The following TRAPPC10 variants were observed in gnomAD, a reference collection of about 807,000 sequenced individuals.
TRAPPC10 encodes the protein TRAPP 130 kDa subunit.
Under a neutral mutation model 125.5 loss-of-function variants are expected in TRAPPC10, and 23 were observed. That is an observed-to-expected ratio of 0.18 (90% CI 0.13 to 0.26). TRAPPC10 has a LOEUF of 0.26. Among genes scored for constraint, TRAPPC10 ranks in the 10% least tolerant of loss-of-function variants. The pLI, the probability that TRAPPC10 is intolerant of heterozygous loss-of-function variation, is 1.00. For synonymous variants in TRAPPC10, 509 were observed against 518.0 expected, an observed-to-expected ratio of 0.98 and a Z score of 0.24; for missense variants, 1,123 against 1,308.4, an observed-to-expected ratio of 0.86 and a Z score of 2.19.
intron 17 of TRAPPC10, chr21:44,089,157 T>C (rs57782782): frequency 0.17 from 32,083 of 194,206 alleles, 189 homozygotes; most frequent in African/African-American, 0.39. Flanking sequence ...TGCTGTGTGC[T>C]GTGTTATCCT....
intron 1 of TRAPPC10, among the ~76,000 whole-genome samples, chr21:44,019,880 T>A (rs79169828): frequency 6.6e-6 from 1 of 152,222 alleles, no homozygotes; most frequent in Non-Finnish European, 1.5e-5. Context: ...CGTGTACTCC[T>A]GACCGAGGGA....
At chr21:44,081,026 T>C (rs550004846) in intron 13 of TRAPPC10, among the ~76,000 whole-genome samples, 2,442 of 138,684 alleles carry the variant, frequency 0.018, 81 homozygotes, top group African/African-American at 0.068. Context: ...TCTTTTTTTT[T>C]TTTTTTTTTT....
At position 44,063,084 on chromosome 21, in the gene TRAPPC10, T is replaced by G; in HGVS notation, c.791-454T>G. The G allele has an allele frequency of 7.7e-7, 1 of 1,304,154 alleles. No individual in the cohort carries two copies. Among genetic ancestry groups the G allele is most frequent in the Non-Finnish European group, 1.0e-6 (1 of 989,160 alleles). 80.8% of individuals were successfully genotyped at this position (1,304,154 alleles called of 1,614,324 possible). A position where few individuals can be genotyped will look rare whatever the true frequency, so the allele number is the denominator to read the frequency against. On this transcript the variant is annotated intron_variant, in intron 6 of 22. Transcript: ENST00000291574. This position sits in a 1 kb window ranked among gnomAD's most constrained non-coding sequence, Gnocchi z 4.4. ...GACTCAGGGACGTGACGTGGTTGAG[T>G]TAGGGAAATAAGGAAGGAATATGTA...
chr21:44,079,517 G>A lies in TRAPPC10; in HGVS notation c.1470-47G>A, dbSNP rs543845101. 35 of 1,564,348 alleles carry A rather than the reference G, an allele frequency of 2.2e-5. 1 individual carries two copies. The South Asian group carries it at 3.3e-4, about 15-fold the overall frequency. On this transcript the variant is annotated intron_variant, in intron 11 of 22. Transcript: ENST00000291574. ...GGGAGAGATGGGGTTTCAGTGTGTT[G>A]ATTATCCCTAGCTGTAATGAAAGCT...
At chr21:44,066,642 A>G (rs571059923) in intron 7 of TRAPPC10, among the ~76,000 whole-genome samples, 2 of 152,332 alleles carry the variant, frequency 1.3e-5, no homozygotes, top group Non-Finnish European at 2.9e-5. Flanking sequence ...TAGCAGGAAG[A>G]GGTTCCCTTT....
chr21:44,012,367 C>G lies in TRAPPC10; in HGVS notation c.-127C>G, dbSNP rs2031192799. On this transcript the variant is annotated 5_prime_UTR_variant, in exon 1 of 23. Coordinates refer to ENST00000291574, the MANE Select transcript of TRAPPC10 (RefSeq NM_003274.5). ...CAGCGGGCGGCAGCTGCGGCGCAAC[C>G]GGCTCCGGAGCTGCCTGGCGCGGCC... 2 of 383,562 alleles carry G rather than the reference C, an allele frequency of 5.2e-6. No individual in the cohort carries two copies. Among genetic ancestry groups the G allele is most frequent in the South Asian group, 1.0e-4 (1 of 9,532 alleles). The allele number at this position is 383,562 out of a possible 1,614,324, so 23.8% of individuals were successfully genotyped here. A position where few individuals can be genotyped will look rare whatever the true frequency, so the allele number is the denominator to read the frequency against.
chr21:44,020,199 C>T (rs537881078), intron 1 of TRAPPC10, among the ~76,000 whole-genome samples: 1 of 151,500 alleles, frequency 6.6e-6, no homozygotes, highest in Non-Finnish European at 1.5e-5. Context: ...CGGCTTACTG[C>T]AAGCTCCGAC....
chr21:44,070,300 G>A (rs778643358), intron 7 of TRAPPC10, among the ~76,000 whole-genome samples: 57 of 152,110 alleles, frequency 3.7e-4, no homozygotes, highest in Non-Finnish European at 7.1e-4. Flanking sequence ...GAGGAGGAGG[G>A]ACTTTAAGGA....
chr21:44,022,450 A>ATTTTTTTTT (rs71197876), intron 1 of TRAPPC10, among the ~76,000 whole-genome samples: 9 of 96,964 alleles, frequency 9.3e-5, no homozygotes, highest in African/African-American at 3.5e-4. Context: ...TGCCCAGCTA[A>ATTTTTTTTT]TTTTTTTTTT....
chr21:44,060,340 A>G (rs917876149), intron 6 of TRAPPC10: 5 of 149,298 alleles, frequency 3.3e-5, no homozygotes, highest in African/African-American at 1.0e-4. Flanking sequence ...CAGTGGCACA[A>G]TCTCGGCTCA....
intron 18 of TRAPPC10, 93 bp downstream of exon 18, chr21:44,090,026 C>A: frequency 3.3e-6 from 3 of 915,126 alleles, no homozygotes; most frequent in Non-Finnish European, 3.5e-6. Flanking sequence ...TCGTGGTGAC[C>A]AAGGATGTCT....
intron 7 of TRAPPC10, among the ~76,000 whole-genome samples, chr21:44,069,645 C>T (rs1464004898): frequency 6.6e-6 from 1 of 152,144 alleles, no homozygotes; most frequent in Non-Finnish European, 1.5e-5. Context: ...ACATCCACCC[C>T]TGGTGTGTAC....
Position 44,083,069 on chromosome 21 carries a change from A to T in TRAPPC10, c.2005A>T (p.Asn669Tyr). Residue 669 changes from asparagine to tyrosine, a missense_variant, in exon 14 of 23, where the codon AAC becomes TAC. By Grantham distance (143) the Asn-to-Tyr change is moderately radical. Transcript: ENST00000291574. ...PETAPFPVSQ[N>Y]SLPALELYEM... ...GACCGCACCTTTCCCTGTATCCCAAAACAGTTTGCCCGCGCTGGAGTTGTA... is the reference window on the plus strand; with the variant it reads ...GACCGCACCTTTCCCTGTATCCCAATACAGTTTGCCCGCGCTGGAGTTGTA... 1 of 1,614,048 alleles carries T rather than the reference A, an allele frequency of 6.2e-7. No homozygotes were observed.
At chr21:44,014,364 GTTTTGAGCAGCAGAGTGAAT>G (rs1400662346) in intron 1 of TRAPPC10, among the ~76,000 whole-genome samples, 4 of 150,084 alleles carry the variant, frequency 2.7e-5, no homozygotes, top group Non-Finnish European at 5.9e-5. Flanking sequence ...TTTTTCCTGT[GTTTTGAGCAGCAGAGTGAAT>G]TTTTTTTTTT....
intron 1 of TRAPPC10, among the ~76,000 whole-genome samples, chr21:44,018,830 T>G (rs1299171298): frequency 6.6e-6 from 1 of 152,208 alleles, no homozygotes; most frequent in Non-Finnish European, 1.5e-5. Flanking sequence ...GTTGGTTATC[T>G]TTTAATGGAA....
chr21:44,031,988 A>C, intron 1 of TRAPPC10, 103 bp from the exon 2 acceptor site: 1 of 922,962 alleles, frequency 1.1e-6, no homozygotes, highest in Non-Finnish European at 1.7e-6. Context: ...TCGCTTTACT[A>C]AACATAAAAC....
chr21:44,019,864 G>A (rs746648376), intron 1 of TRAPPC10, among the ~76,000 whole-genome samples: 1 of 152,330 alleles, frequency 6.6e-6, no homozygotes, highest in East Asian at 1.9e-4. Context: ...TTGGAGGTTT[G>A]TCCTTCGTGT....
At chr21:44,058,538 G>C (rs1407959914) in intron 5 of TRAPPC10, among the ~76,000 whole-genome samples, 1 of 152,206 alleles carries the variant, frequency 6.6e-6, no homozygotes, top group African/African-American at 2.4e-5. Context: ...GAAAGGTTGG[G>C]GTTCAGGTTT....
intron 1 of TRAPPC10, among the ~76,000 whole-genome samples, chr21:44,014,829 T>A (rs1250164355): frequency 1.3e-5 from 2 of 152,188 alleles, no homozygotes; most frequent in African/African-American, 4.8e-5. Flanking sequence ...GGGGCTTCAG[T>A]AGACTGTCAA....
Sources: allele counts gnomAD v4.1 joint callset (sites outside exome capture counted in the v4.1 genomes callset), GRCh38; gene constraint gnomAD v4.1.1; non-coding constraint Gnocchi (gnomAD v3.1); transcripts MANE v1.5; gene names NCBI Gene and HGNC (gene_info 2026-07-23, HGNC 2026-07-21).